The following TOP6BL variants were observed in gnomAD, a reference collection of about 807,000 sequenced individuals.
TOP6BL encodes the protein TOP6B like initiator of meiotic double strand breaks.
chr11:66,799,435 G>A, the TOP6BL span, among the ~76,000 whole-genome samples: 2 of 151,676 alleles, frequency 1.3e-5, no homozygotes, highest in Non-Finnish European at 2.9e-5. Context: ...GGTGGCTCAT[G>A]CCTGTAATCC....
the TOP6BL span, among the ~76,000 whole-genome samples, chr11:66,799,207 CAAAAAAA>C: frequency 3.7e-3 from 156 of 41,888 alleles, 1 homozygote; most frequent in Non-Finnish European, 3.2e-3. Flanking sequence ...ACTCTGTCTC[CAAAAAAA>C]AAAAAAAAAA....
chr11:66,816,472 G>T, the TOP6BL span, among the ~76,000 whole-genome samples: 1 of 152,136 alleles, frequency 6.6e-6, no homozygotes, highest in Non-Finnish European at 1.5e-5. Context: ...AACGTTAGCC[G>T]CACAATATAT....
the TOP6BL span, among the ~76,000 whole-genome samples, chr11:66,768,221 A>G: frequency 6.6e-6 from 1 of 151,940 alleles, no homozygotes; most frequent in East Asian, 1.9e-4. Context: ...GAAACTCACA[A>G]TGGTGAACTC....
chr11:66,761,138 G>C, the TOP6BL span, among the ~76,000 whole-genome samples: 3 of 152,130 alleles, frequency 2.0e-5, no homozygotes, highest in Non-Finnish European at 4.4e-5. Flanking sequence ...TTGGGAGGCT[G>C]AAGTGGGCGG....
chr11:66,842,799 C>T, the TOP6BL span: 4 of 1,498,164 alleles, frequency 2.7e-6, no homozygotes, highest in South Asian at 2.5e-5. Context: ...CAAGGGTGCT[C>T]CTAGCACAGG....
At chr11:66,799,367 CAG>C in the TOP6BL span, among the ~76,000 whole-genome samples, 1 of 140,362 alleles carries the variant, frequency 7.1e-6, no homozygotes, top group Non-Finnish European at 1.5e-5. Context: ...GGCTGGGAGA[CAG>C]AGTGAGACTC....
chr11:66,762,272 T>A, the TOP6BL span: 1 of 492,154 alleles, frequency 2.0e-6, no homozygotes, highest in East Asian at 4.0e-5. Context: ...CTGAGCAGCC[T>A]GAAGGGCGGG....
the TOP6BL span, among the ~76,000 whole-genome samples, chr11:66,757,537 C>T: frequency 7.2e-5 from 11 of 152,068 alleles, no homozygotes; most frequent in Non-Finnish European, 1.0e-4. Context: ...ACTAGTCATT[C>T]GCCACATGTG....
the TOP6BL span, among the ~76,000 whole-genome samples, chr11:66,811,720 C>G: frequency 6.6e-6 from 1 of 152,164 alleles, no homozygotes; most frequent in Non-Finnish European, 1.5e-5. Context: ...TAAAGCCTGG[C>G]AATCCCTGGT....
At chr11:66,788,968 G>T in the TOP6BL span, among the ~76,000 whole-genome samples, 1 of 152,036 alleles carries the variant, frequency 6.6e-6, no homozygotes, top group African/African-American at 2.4e-5. Context: ...TAAGACCTGG[G>T]GTCAGTGCCC....
At chr11:66,759,049 C>A in the TOP6BL span, 1 of 1,567,864 alleles carries the variant, frequency 6.4e-7, no homozygotes, top group South Asian at 1.2e-5. Flanking sequence ...ACAGTTGCTT[C>A]TGCAGGAAGC....
the TOP6BL span, among the ~76,000 whole-genome samples, chr11:66,751,856 C>T: frequency 6.6e-6 from 1 of 152,160 alleles, no homozygotes; most frequent in African/African-American, 2.4e-5. Context: ...AATTTCCCTT[C>T]AGTTAATACT....
At chr11:66,815,332 T>C in the TOP6BL span, among the ~76,000 whole-genome samples, 2 of 152,188 alleles carry the variant, frequency 1.3e-5, no homozygotes, top group Admixed American at 6.5e-5. Flanking sequence ...CTTATTACTC[T>C]AAAGGACAGA....
chr11:66,781,961 A>G, the TOP6BL span, among the ~76,000 whole-genome samples: 178 of 152,216 alleles, frequency 1.2e-3, no homozygotes, highest in Middle Eastern at 3.4e-3. Context: ...TGTGTTATCT[A>G]TCTCTGGAGA....
chr11:66,823,124 GTC>G, the TOP6BL span, among the ~76,000 whole-genome samples: 1 of 151,832 alleles, frequency 6.6e-6, no homozygotes, highest in East Asian at 1.9e-4. Flanking sequence ...GTGAAATCCT[GTC>G]TCTACTAAAA....
At chr11:66,827,197 T>G in the TOP6BL span, among the ~76,000 whole-genome samples, 1 of 151,228 alleles carries the variant, frequency 6.6e-6, no homozygotes, top group African/African-American at 2.4e-5. Flanking sequence ...ATTACAGGCA[T>G]GCGCCACCAC....
At chr11:66,800,679 C>T in the TOP6BL span, 2 of 1,606,040 alleles carry the variant, frequency 1.2e-6, no homozygotes, top group African/African-American at 1.3e-5. Context: ...ATGGAATCCT[C>T]TCCACAGAGA....
At chr11:66,752,420 GTTTTTTC>G in the TOP6BL span, among the ~76,000 whole-genome samples, 1 of 151,928 alleles carries the variant, frequency 6.6e-6, no homozygotes, top group Admixed American at 6.6e-5. Flanking sequence ...TATGTGACCT[GTTTTTTC>G]TTTTTTCTTC....
the TOP6BL span, among the ~76,000 whole-genome samples, chr11:66,818,816 G>A: frequency 3.3e-5 from 5 of 152,116 alleles, no homozygotes; most frequent in Non-Finnish European, 7.4e-5. Context: ...GAGCCCTAAA[G>A]AACATTCCTT....
Sources: allele counts gnomAD v4.1 joint callset (sites outside exome capture counted in the v4.1 genomes callset), GRCh38; gene constraint gnomAD v4.1.1; transcripts MANE v1.5; gene names NCBI Gene and HGNC (gene_info 2026-07-23, HGNC 2026-07-21).